The following BRAT1 variants were observed in gnomAD, a reference collection of about 807,000 sequenced individuals.
BRAT1 encodes BRCA1 associated ATM activator 1.
A neutral mutation model predicts 70.6 loss-of-function variants in BRAT1; 74 were observed. The ratio of observed to expected loss-of-function variants is 1.05; its 90% CI spans 0.87 to 1.27. The LOEUF is 1.27. Among genes scored for constraint, BRAT1 ranks in the 50% most tolerant of loss-of-function variants. BRAT1 has a pLI of 0.00. For missense variants in BRAT1, 1,203 were observed against 1,098.2 expected, an observed-to-expected ratio of 1.10 and a Z score of -1.35; for synonymous variants, 615 against 517.1, an observed-to-expected ratio of 1.19 and a Z score of -2.57.
intron 2 of BRAT1, among the ~76,000 whole-genome samples, chr7:2,547,934 A>C (rs1444927377): frequency 6.6e-6 from 1 of 152,060 alleles, no homozygotes; most frequent in East Asian, 1.9e-4. Context: ...AATACAAAAA[A>C]TTAGCCAGGT....
intron 1 of BRAT1, among the ~76,000 whole-genome samples, chr7:2,554,885 C>G (rs1780300248): frequency 6.6e-6 from 1 of 152,166 alleles, no homozygotes; most frequent in African/African-American, 2.4e-5. Flanking sequence ...TCTGTCCCTC[C>G]CAGCGTCAAG....
intron 2 of BRAT1, among the ~76,000 whole-genome samples, chr7:2,554,034 G>A (rs928786505): frequency 2.6e-5 from 4 of 152,088 alleles, no homozygotes; most frequent in South Asian, 2.1e-4. Flanking sequence ...GTTTGTTCAC[G>A]CCTTCTGTAG....
intron 9 of BRAT1, 42 bp from the exon 10 acceptor site, chr7:2,541,094 C>A: frequency 6.6e-7 from 1 of 1,504,508 alleles, no homozygotes. Flanking sequence ...CACCCCCACC[C>A]TAGGACCCTC....
Position 2,539,208 on chromosome 7 carries a change from T to G in BRAT1, c.1741A>C (p.Thr581Pro), listed in dbSNP as rs1164674493. Residue 581 changes from threonine to proline, a missense_variant, in exon 13 of 14, where the codon ACC (threonine) becomes CCC (proline). By Grantham distance (38) the Thr-to-Pro change is conservative (BLOSUM62 -1). Coordinates refer to ENST00000340611, the MANE Select transcript of BRAT1 (RefSeq NM_152743.4). ...CGGGCCTCTGCATGCTCAGGGCTGG[T>G]GGGGGCGTGCAGGCCCTGGCTGGAC... ...QLSSQGLHAP[T>P]SPEHAEARQS... is the part of the protein sequence containing the mutation. 2.5e-6 allele frequency: 4 copies of G among 1,609,396 alleles called. No homozygotes were observed. In the African/African-American group the frequency reaches 4.0e-5, roughly 16 times the overall value.
Position 2,554,379 on chromosome 7 carries a change from T to C in BRAT1, c.53A>G (p.Asp18Gly), listed in dbSNP as rs1261903094. Residue 18 changes from aspartate to glycine, a missense_variant, in exon 2 of 14, where the codon GAT (aspartate) becomes GGT (glycine). Physicochemically the swap from Asp to Gly is moderately conservative, Grantham distance 94. Transcript: ENST00000340611. ...GTCATCTGCCACCGGCTGCCTGGGA[T>C]CTACCAGAACAGCACAGAGAGCCGG... ...LLPALCAVLV[D>G]PRQPVADDTC... is the part of the protein sequence containing the mutation. The C allele has an allele frequency of 2.5e-6, 4 of 1,613,928 alleles. No individual in the cohort carries two copies. The African/African-American group carries it at 4.0e-5, about 16-fold the overall frequency.
chr7:2,537,846 A>C lies in BRAT1; in HGVS notation c.*223T>G, dbSNP rs1042285195. 2.5e-5 allele frequency: 16 copies of C among 648,544 alleles called. No homozygotes were observed. Among genetic ancestry groups the C allele is most frequent in the Non-Finnish European group, 3.4e-5 (15 of 437,030 alleles). The allele number at this position is 648,544 out of a possible 1,614,324, so 40.2% of individuals were successfully genotyped here. A position where few individuals can be genotyped will look rare whatever the true frequency, so the allele number is the denominator to read the frequency against. On this transcript the variant is annotated 3_prime_UTR_variant, in exon 14 of 14. Transcript: ENST00000340611. ...ATCATTATTATTAAATTAACTCAAA[A>C]AGGGTTAAAGAAAGACTTCAATGCC...
In BRAT1 at chr7:2,541,323, G is replaced by C. The variant is rs141653707; in HGVS notation, c.1296C>G (p.Phe432Leu). The change falls in exon 9 of 14, where the codon TTC (phenylalanine) becomes TTG (leucine). Residue 432 changes from phenylalanine (F) to leucine (L), a missense_variant. By Grantham distance (22) the Phe-to-Leu change is conservative (BLOSUM62 0). Transcript: ENST00000340611. ...CTGTCCCCTGTGACAGCGTCCCCAG[G>C]AAGTCGAGGGCTGCTCGCTGGACCC... ...CVRVQRAALD[F>L]LGTLSQGTGP... 36 of 1,598,142 alleles carry C rather than the reference G, an allele frequency of 2.3e-5. No homozygotes were observed. The highest frequency in any genetic ancestry group is 2.9e-5 in the Non-Finnish European group (34 of 1,176,184).
intron 3 of BRAT1, 91 bp from the exon 4 acceptor site, chr7:2,545,147 C>T (rs10261186): frequency 1.0e-5 from 14 of 1,362,808 alleles, no homozygotes; most frequent in Admixed American, 3.2e-5. Flanking sequence ...GGGCAGATCA[C>T]GAGGTCAGGA....
In BRAT1 at chr7:2,547,293, G is replaced by T. The variant is rs374043717; in HGVS notation, c.282+31C>A. On this transcript the variant is annotated intron_variant, in intron 3 of 13. Coordinates refer to ENST00000340611, the MANE Select transcript of BRAT1 (RefSeq NM_152743.4). The stretch of plus-strand genomic sequence containing the variant: ...AGGAAAAGCCTGCCCACCTCTCCAC[G>T]GGACACTCAGGTGGGAGGCCCCAGG... The T allele has an allele frequency of 1.9e-6, 3 of 1,610,866 alleles. No homozygotes were observed. In the African/African-American group the frequency reaches 4.0e-5, roughly 22 times the overall value.
At chr7:2,546,696 T>C (rs570386460) in intron 3 of BRAT1, among the ~76,000 whole-genome samples, 5 of 147,626 alleles carry the variant, frequency 3.4e-5, no homozygotes, top group East Asian at 2.0e-4. Flanking sequence ...GTTCGAACCA[T>C]TGCACTCCAG....
Position 2,539,890 on chromosome 7 carries a change from T to C in BRAT1, c.1396-2A>G. ...GGCCTGGAAGGCCTTCTTCAGAACC[T>C]GGAGCAGATAGGGTGGGCTGCAGGG... is the stretch of plus-strand genomic sequence containing the variant. On this transcript the variant is annotated splice_acceptor_variant, in intron 10 of 13. Coordinates refer to ENST00000340611, the MANE Select transcript of BRAT1 (RefSeq NM_152743.4). LOFTEE classifies it high-confidence loss of function. 1 of 1,547,508 alleles carries C rather than the reference T, an allele frequency of 6.5e-7. No homozygotes were observed. The highest frequency in any genetic ancestry group is 8.7e-7 in the Non-Finnish European group (1 of 1,148,594).
chr7:2,542,022 TG>T, intron 7 of BRAT1, 97 bp downstream of exon 7: 3 of 1,271,284 alleles, frequency 2.4e-6, no homozygotes, highest in South Asian at 1.5e-5. Flanking sequence ...GTGATTAAAG[TG>T]GGGCGGGGGT....
rs542484690 is a variant in BRAT1, at chr7:2,543,437, T to G, written c.804-114A>C. 4.7e-6 allele frequency: 7 copies of G among 1,482,860 alleles called. No individual in the cohort carries two copies. The East Asian group carries it at 1.4e-4, about 30-fold the overall frequency. The allele number at this position is 1,482,860 out of a possible 1,614,324, so 91.9% of individuals were successfully genotyped here. ...GGAGGCGCCCAGCCCAAGACAGGCCTTTCCCCATGAGGGTTCCAGGGTCAC... is the reference window on the plus strand; with the variant it reads ...GGAGGCGCCCAGCCCAAGACAGGCCGTTCCCCATGAGGGTTCCAGGGTCAC... On this transcript the variant is annotated intron_variant, in intron 5 of 13. Transcript: ENST00000340611. This position sits in a 1 kb window ranked among gnomAD's most constrained non-coding sequence, Gnocchi z 5.5.
At position 2,541,512 on chromosome 7, in the gene BRAT1, G is replaced by T. The variant is rs752384690; in HGVS notation, c.1135-28C>A. 6.3e-5 allele frequency: 95 copies of T among 1,515,262 alleles called. No homozygotes were observed. The South Asian group carries it at 7.9e-4, about 13-fold the overall frequency. The allele number at this position is 1,515,262 out of a possible 1,614,324, so 93.9% of individuals were successfully genotyped here. The stretch of plus-strand genomic sequence containing the variant: ...GCGAGGAAGAGGGCCGTCAGCCAAG[G>T]TTGCGGTCCCACTGCCGGCGTGGAT... On this transcript the variant is annotated intron_variant, in intron 8 of 13. Coordinates refer to ENST00000340611, the MANE Select transcript of BRAT1 (RefSeq NM_152743.4).
rs56727079 is a variant in BRAT1, at chr7:2,538,737, G to A, written c.1798C>T (p.Leu600Phe). 41,434 of 1,598,400 alleles carry A rather than the reference G, an allele frequency of 0.026. 2,333 individuals are homozygous for A. Among genetic ancestry groups the A allele is most frequent in the East Asian group, 0.23 (10,518 of 44,862 alleles). Reference sequence around the variant, plus strand: ...GGGAAGCCCTCCGAGTCTACGGAGAGGATGTGCAGGAGCTCCAGGAACAGG... The same window carrying A: ...GGGAAGCCCTCCGAGTCTACGGAGAAGATGTGCAGGAGCTCCAGGAACAGG... ...QSLFLELLHILSVDSEGFPRR... is the reference protein window; with the variant it reads ...QSLFLELLHIFSVDSEGFPRR... Residue 600 changes from leucine (L) to phenylalanine (F), a missense_variant, in exon 14 of 14, where the codon CTC becomes TTC. Physicochemically the swap from Leu to Phe is conservative, Grantham distance 22 (BLOSUM62 0). Transcript: ENST00000340611.
chr7:2,553,106 C>G (rs1326616420), intron 2 of BRAT1, among the ~76,000 whole-genome samples: 1 of 152,084 alleles, frequency 6.6e-6, no homozygotes, highest in Non-Finnish European at 1.5e-5. Context: ...GATCTGGGCT[C>G]ACTGCAACCT....
rs1018597194 is a variant in BRAT1 at position 2,544,916 on chromosome 7, G to A, written c.423C>T (p.Ala141=). ...GGGTGTGGGCGCACTCACCATGGTC[G>A]GCCAGGAAGCGCAGGGCGCTGGGGT... is the stretch of plus-strand genomic sequence containing the variant. ...AQHPSALRFL[A]DHGAVDTIFS... is the part of the protein sequence containing the mutation. Residue 141 remains alanine, a synonymous_variant, in exon 4 of 14, where the codon GCC becomes GCT. Transcript: ENST00000340611. 1.4e-5 allele frequency: 21 copies of A among 1,550,366 alleles called. No homozygotes were observed. The highest frequency in any genetic ancestry group is 1.8e-4 in the Middle Eastern group (1 of 5,494).
At chr7:2,552,743 A>ATT (rs375674149) in intron 2 of BRAT1, among the ~76,000 whole-genome samples, 12 of 145,228 alleles carry the variant, frequency 8.3e-5, no homozygotes, top group South Asian at 4.4e-4. Flanking sequence ...TTATGACACT[A>ATT]TTTTTTTTTT....
In BRAT1 at chr7:2,537,937, T is replaced by G; in HGVS notation, c.*132A>C. 7 of 1,350,988 alleles carry G rather than the reference T, an allele frequency of 5.2e-6. No homozygotes were observed. The highest frequency in any genetic ancestry group is 6.7e-6 in the Non-Finnish European group (7 of 1,046,584). 83.7% of individuals were successfully genotyped at this position (1,350,988 alleles called of 1,614,324 possible). A position where few individuals can be genotyped will look rare whatever the true frequency, so the allele number is the denominator to read the frequency against. On this transcript the variant is annotated 3_prime_UTR_variant, in exon 14 of 14. Coordinates refer to ENST00000340611, the MANE Select transcript of BRAT1 (RefSeq NM_152743.4). ...AAACTGTGGGATTTCTTGACCTTGC[T>G]TCTCTCCTGGTCCTGGCTTCCCCAG...
Sources: allele counts gnomAD v4.1 joint callset (sites outside exome capture counted in the v4.1 genomes callset), GRCh38; gene constraint gnomAD v4.1.1; non-coding constraint Gnocchi (gnomAD v3.1); transcripts MANE v1.5; gene names NCBI Gene and HGNC (gene_info 2026-07-23, HGNC 2026-07-21).